RYR2: variants seen among roughly 807,000 people sequenced by gnomAD.
The protein encoded by RYR2 is cardiac muscle ryanodine receptor-calcium release channel.
A neutral mutation model predicts 601.1 loss-of-function variants in RYR2; 227 were observed. That is an observed-to-expected ratio of 0.38 (90% CI 0.34 to 0.42). The LOEUF (loss-of-function observed/expected upper bound fraction) is 0.42, where lower values mean the gene tolerates loss of function less well. Ranked by LOEUF, RYR2 falls within the 10% of genes least tolerant of loss-of-function variation. The probability of loss-of-function intolerance (pLI) is 1.00; values close to 1 mark genes in which losing one functional copy is unlikely to be tolerated. For synonymous variants in RYR2, 2,223 were observed against 2,175.1 expected, an observed-to-expected ratio of 1.02 and a Z score of -0.61; for missense variants, 4,646 against 6,156.5, an observed-to-expected ratio of 0.75 and a Z score of 8.21.
intron 10 of RYR2, among the ~76,000 whole-genome samples, chr1:237,402,597 C>A (rs1005006696): frequency 6.6e-6 from 1 of 152,094 alleles, no homozygotes; most frequent in Non-Finnish European, 1.5e-5. Context: ...GAAATCAGAT[C>A]AGAAGACTAT....
intron 1 of RYR2, among the ~76,000 whole-genome samples, chr1:237,053,651 A>C (rs555090936): frequency 4.6e-5 from 7 of 152,220 alleles, no homozygotes; most frequent in Non-Finnish European, 1.0e-4. Flanking sequence ...GCTACGTGCC[A>C]TGCTTCTTGC....
intron 10 of RYR2, among the ~76,000 whole-genome samples, chr1:237,389,684 G>A (rs1339863284): frequency 6.6e-6 from 1 of 152,126 alleles, no homozygotes; most frequent in Non-Finnish European, 1.5e-5. Context: ...CTGCCTCAGG[G>A]GAAGACAGCT....
chr1:237,583,886 C>T (rs1045691690), intron 29 of RYR2, among the ~76,000 whole-genome samples: 1 of 152,172 alleles, frequency 6.6e-6, no homozygotes, highest in Admixed American at 6.6e-5. Flanking sequence ...CTCATCAGCA[C>T]AGAAAGTTAA....
At chr1:237,196,664 T>G (rs946850133) in intron 1 of RYR2, among the ~76,000 whole-genome samples, 1 of 152,182 alleles carries the variant, frequency 6.6e-6, no homozygotes, top group African/African-American at 2.4e-5. Flanking sequence ...AGTATCACAT[T>G]ATTTTAATAA....
At position 237,687,436 on chromosome 1, in the gene RYR2, G is replaced by A. The variant is rs779571791; in HGVS notation, c.9018-19G>A. On this transcript the variant is annotated intron_variant, in intron 62 of 104. Transcript: ENST00000366574. ...CCTTCCCCCTTCCCTTTTCTCTTTT[G>A]TTTTTCTTTTGTCTTCAGCCTATTC... 5 of 1,023,462 alleles carry A rather than the reference G, an allele frequency of 4.9e-6. No homozygotes were observed. Among genetic ancestry groups the A allele is most frequent in the Non-Finnish European group, 6.2e-6 (5 of 803,030 alleles). The allele number at this position is 1,023,462 out of a possible 1,614,324, so 63.4% of individuals were successfully genotyped here.
intron 44 of RYR2, among the ~76,000 whole-genome samples, chr1:237,635,917 C>A (rs1037241089): frequency 6.6e-6 from 1 of 152,142 alleles, no homozygotes; most frequent in Non-Finnish European, 1.5e-5. Context: ...AGTATCCTTA[C>A]CCAAGATACC....
In RYR2 at chr1:237,385,169, G is replaced by A. The variant is rs577943924; in HGVS notation, c.577-2112G>A. Among the ~76,000 whole-genome samples, 17 of 152,198 alleles carry A rather than the reference G, an allele frequency of 1.1e-4. 1 individual carries two copies. The highest frequency in any genetic ancestry group is 8.3e-4 in the South Asian group (4 of 4,830). ...CTCCCATAGTGCTGTGATTACAGGCGTGAGCCACCATGCCCGGCCGTATTT... is the reference window on the plus strand; with the variant it reads ...CTCCCATAGTGCTGTGATTACAGGCATGAGCCACCATGCCCGGCCGTATTT... On this transcript the variant is annotated intron_variant, in intron 8 of 104. Transcript: ENST00000366574.
intron 2 of RYR2, among the ~76,000 whole-genome samples, chr1:237,294,926 CT>C (rs894347984): frequency 9.2e-5 from 14 of 152,048 alleles, no homozygotes. Context: ...AGAAATTGTA[CT>C]TATAGGCCAG....
At chr1:237,567,611 A>G (rs1672226079) in intron 28 of RYR2, among the ~76,000 whole-genome samples, 1 of 151,934 alleles carries the variant, frequency 6.6e-6, no homozygotes, top group African/African-American at 2.4e-5. Flanking sequence ...AAAAATAATA[A>G]TAACAACAAG....
Position 237,042,229 on chromosome 1 carries a change from A to C in RYR2, c.-293A>C. ...GCCGAGCGGACCGCCGGCTGCAGGC[A>C]GCGAGCGCGGCTGGGCTGCGGGGCT... On this transcript the variant is annotated 5_prime_UTR_variant, in exon 1 of 105. Transcript: ENST00000366574. 6.2e-6 allele frequency: 1 copy of C among 162,242 alleles called. No homozygotes were observed. The highest frequency in any genetic ancestry group is 2.4e-5 in the African/African-American group (1 of 41,618). 10.1% of individuals were successfully genotyped at this position (162,242 alleles called of 1,614,324 possible). A position where few individuals can be genotyped will look rare whatever the true frequency, so the allele number is the denominator to read the frequency against.
At chr1:237,454,697 A>G (rs929038227) in intron 15 of RYR2, 123 bp downstream of exon 15, 1 of 841,056 alleles carries the variant, frequency 1.2e-6, no homozygotes, top group Admixed American at 2.4e-5. Context: ...GAGAAAGTAT[A>G]CTACTGAACA....
intron 1 of RYR2, among the ~76,000 whole-genome samples, chr1:237,248,135 G>A (rs1254116452): frequency 6.6e-6 from 1 of 151,950 alleles, no homozygotes; most frequent in Non-Finnish European, 1.5e-5. Context: ...AGCCGGGTGT[G>A]GTGGTGCACT....
At chr1:237,821,775 T>G (rs1378011506) in intron 101 of RYR2, among the ~76,000 whole-genome samples, 2 of 151,662 alleles carry the variant, frequency 1.3e-5, no homozygotes, top group Non-Finnish European at 2.9e-5. Context: ...CTAAGAACTT[T>G]GAAAAAAAGT....
chr1:237,638,617 T>A (rs1490788283), intron 45 of RYR2, 125 bp downstream of exon 45: 1 of 1,055,808 alleles, frequency 9.5e-7, no homozygotes, highest in Non-Finnish European at 1.4e-6. Context: ...TTATAATCGA[T>A]AGGGGTTTTT....
intron 87 of RYR2, among the ~76,000 whole-genome samples, chr1:237,774,961 C>T (rs1694539131): frequency 6.9e-6 from 1 of 145,744 alleles, no homozygotes; most frequent in Non-Finnish European, 1.5e-5. Flanking sequence ...ATCCATTGAG[C>T]TCTTACTATA....
At chr1:237,560,845 C>G (rs1671377816) in intron 27 of RYR2, among the ~76,000 whole-genome samples, 1 of 152,110 alleles carries the variant, frequency 6.6e-6, no homozygotes, top group Non-Finnish European at 1.5e-5. Flanking sequence ...AGACTGCAAA[C>G]AGATAAAAAC....
At chr1:237,314,098 T>G (rs1694867485) in intron 2 of RYR2, among the ~76,000 whole-genome samples, 1 of 135,302 alleles carries the variant, frequency 7.4e-6, no homozygotes, top group African/African-American at 2.7e-5. Context: ...GGAGTCTTGC[T>G]CTGTTGCCCA....
intron 93 of RYR2, 76 bp downstream of exon 93, chr1:237,791,591 G>A (rs908260714): frequency 2.2e-5 from 17 of 781,132 alleles, no homozygotes; most frequent in African/African-American, 1.4e-4. Context: ...CACGATGAAC[G>A]TATCTACTAC....
Position 237,762,867 on chromosome 1 carries a change from G to A in RYR2, c.11476+1839G>A, listed in dbSNP as rs373198036. ...CCCATTTCCTTTTCTTTCGACTACT[G>A]TAAATGTACTACCCTCCCTTCCTCA... On this transcript the variant is annotated intron_variant, in intron 84 of 104. Coordinates refer to ENST00000366574, the MANE Select transcript of RYR2 (RefSeq NM_001035.3). Among the ~76,000 whole-genome samples, 3 of 151,974 alleles carry A rather than the reference G, an allele frequency of 2.0e-5. No homozygotes were observed. The East Asian group carries it at 5.8e-4, about 29-fold the overall frequency.
Sources: gnomAD v4.1 joint callset for allele counts (sites outside exome capture counted in the v4.1 genomes callset) on GRCh38, gnomAD v4.1.1 for gene constraint, MANE v1.5 for transcripts, NCBI Gene and HGNC (gene_info 2026-07-23, HGNC 2026-07-21) for gene names.